The following CLPP variants were observed in gnomAD, a reference collection of about 807,000 sequenced individuals.
The protein encoded by CLPP is caseinolytic mitochondrial matrix peptidase proteolytic subunit.
In CLPP, 14 loss-of-function variants were observed where a neutral mutation model predicts 27.4. The observed-to-expected ratio is 0.51, with a 90% CI of 0.34 to 0.80. CLPP has a LOEUF of 0.80. CLPP is among the 30% of genes least tolerant of loss of function. The pLI, the probability that CLPP is intolerant of heterozygous loss-of-function variation, is 0.02. For synonymous variants in CLPP, 193 were observed against 166.6 expected (o/e 1.16, Z -1.22); for missense variants, 361 against 403.6 (o/e 0.89, Z 0.90).
At chr19:6,361,799 T>C (rs1433170444) in intron 1 of CLPP, 27 bp downstream of exon 1, 25 of 1,566,748 alleles carry the variant, frequency 1.6e-5, no homozygotes, top group Non-Finnish European at 2.1e-5. Flanking sequence ...GGGACACGGT[T>C]CGGGGGCTCC....
intron 5 of CLPP, among the ~76,000 whole-genome samples, chr19:6,367,826 C>G (rs2091869994): frequency 6.6e-6 from 1 of 151,602 alleles, no homozygotes; most frequent in African/African-American, 2.4e-5. Flanking sequence ...CCTCAGCCTC[C>G]CTAGTAGCTG....
At chr19:6,367,033 G>A (rs528931933) in intron 5 of CLPP, among the ~76,000 whole-genome samples, 2 of 151,844 alleles carry the variant, frequency 1.3e-5, no homozygotes, top group Non-Finnish European at 2.9e-5. Context: ...GAGTTCAGGA[G>A]TTCAAGACCA....
intron 4 of CLPP, among the ~76,000 whole-genome samples, chr19:6,365,991 C>T (rs1298291657): frequency 6.6e-6 from 1 of 151,898 alleles, no homozygotes; most frequent in Non-Finnish European, 1.5e-5. Flanking sequence ...AAAGGCTTAG[C>T]TAATGCTGAG....
At chr19:6,363,431 A>C (rs1177941498) in intron 3 of CLPP, among the ~76,000 whole-genome samples, 1 of 151,938 alleles carries the variant, frequency 6.6e-6, no homozygotes, top group Non-Finnish European at 1.5e-5. Flanking sequence ...CCTGATTTCT[A>C]GTTTCTCTTG....
intron 5 of CLPP, among the ~76,000 whole-genome samples, chr19:6,367,534 G>C (rs1001612870): frequency 6.6e-6 from 1 of 152,016 alleles, no homozygotes; most frequent in African/African-American, 2.4e-5. Flanking sequence ...GTTGCTTTGG[G>C]GTATGGGGAG....
At chr19:6,366,212 C>A in intron 4 of CLPP, 46 bp from the exon 5 acceptor site, 1 of 1,378,980 alleles carries the variant, frequency 7.3e-7, no homozygotes, top group Non-Finnish European at 1.0e-6. Context: ...GAGGGGCTGA[C>A]GCCGATACCA....
At chr19:6,366,187 C>T in intron 4 of CLPP, 71 bp from the exon 5 acceptor site, 1 of 1,071,300 alleles carries the variant, frequency 9.3e-7, no homozygotes, top group South Asian at 1.4e-5. Context: ...TGAGTGCCAC[C>T]TCCAGCCTCC....
rs753634588 is a variant in CLPP, at chr19:6,368,573, A to C, written c.697A>C (p.Met233Leu). The C allele has an allele frequency of 6.2e-7, 1 of 1,613,930 alleles. No individual in the cohort carries two copies. Among genetic ancestry groups the C allele is most frequent in the South Asian group, 1.1e-5 (1 of 91,066 alleles). ...GGAGAGGGACCGCTACATGAGCCCC[A>C]TGGAGGCCCAGGAGTTTGGCATCTT... is the stretch of plus-strand genomic sequence containing the variant. ...AMERDRYMSP[M>L]EAQEFGILDK... The change falls in exon 6 of 6, where the codon ATG becomes CTG. Residue 233 changes from methionine to leucine, a missense_variant. Around this residue, in one of 2 missense-constraint regions of CLPP, gnomAD observed 213 missense variants for 280.9 expected, o/e 0.76. Coordinates refer to ENST00000245816, the MANE Select transcript of CLPP (RefSeq NM_006012.4).
chr19:6,368,669 G>A lies in CLPP; in HGVS notation c.793G>A (p.Glu265Lys). 1.3e-6 allele frequency: 2 copies of A among 1,580,662 alleles called. No homozygotes were observed. Among genetic ancestry groups the A allele is most frequent in the East Asian group, 4.7e-5 (2 of 42,664 alleles). ...EPTLVQKEPV[E>K]AAPAAEPVPA... ...CACGCTGGTGCAGAAGGAGCCTGTA[G>A]AAGCAGCGCCGGCAGCAGAACCTGT... is the stretch of plus-strand genomic sequence containing the variant. The change falls in exon 6 of 6, where the codon GAA becomes AAA. Residue 265 changes from glutamate (E) to lysine (K), a missense_variant. Transcript: ENST00000245816.
chr19:6,366,740 G>A (rs1434691959), intron 5 of CLPP, among the ~76,000 whole-genome samples: 1 of 151,986 alleles, frequency 6.6e-6, no homozygotes, highest in African/African-American at 2.4e-5. Context: ...CTGGGCTCAA[G>A]CAATTCTCCT....
intron 4 of CLPP, chr19:6,364,886 G>A (rs554021980): frequency 6.4e-5 from 26 of 405,012 alleles, no homozygotes; most frequent in Admixed American, 2.2e-4. Flanking sequence ...CCGCCACCAC[G>A]CTCGGCTTTT....
At chr19:6,363,452 A>G (rs567807857) in intron 3 of CLPP, among the ~76,000 whole-genome samples, 2 of 152,200 alleles carry the variant, frequency 1.3e-5, no homozygotes, top group African/African-American at 2.4e-5. Context: ...GAAATTTAGT[A>G]GATCTGATCC....
chr19:6,362,216 C>G, intron 2 of CLPP: 2 of 602,162 alleles, frequency 3.3e-6, no homozygotes, highest in East Asian at 5.5e-5. Context: ...CATTCTCACC[C>G]CTTCCTTTCC....
Position 6,361,737 on chromosome 19 carries a change from G to C in CLPP, c.163G>C (p.Ala55Pro). ...QRCLHATATR[A>P]LPLIPIVVEQ... ...GTGCCTGCACGCGACGGCGACCCGG[G>C]CTCTCCCGCTCATTCCCATCGTGGT... The change falls in exon 1 of 6, where the codon GCT becomes CCT. Residue 55 changes from alanine to proline, a missense_variant. Physicochemically the swap from Ala to Pro is conservative, Grantham distance 27. Around this residue, in one of 2 missense-constraint regions of CLPP, gnomAD observed 148 missense variants for 122.6 expected, o/e 1.21. Transcript: ENST00000245816. 2.0e-6 allele frequency: 3 copies of C among 1,515,378 alleles called. No individual in the cohort carries two copies. Among genetic ancestry groups the C allele is most frequent in the Non-Finnish European group, 2.6e-6 (3 of 1,136,090 alleles). 93.9% of individuals were successfully genotyped at this position (1,515,378 alleles called of 1,614,324 possible).
intron 4 of CLPP, 145 bp from the exon 5 acceptor site, chr19:6,366,113 G>A (rs948407474): frequency 8.3e-6 from 5 of 604,120 alleles, no homozygotes; most frequent in African/African-American, 5.6e-5. Flanking sequence ...GCAGGATATC[G>A]GGGGATTTAC....
At chr19:6,362,001 G>A in intron 2 of CLPP, 61 bp downstream of exon 2, 6 of 1,477,130 alleles carry the variant, frequency 4.1e-6, no homozygotes, top group Non-Finnish European at 4.6e-6. Context: ...GACACTCCCT[G>A]CGCCCCTCCT....
At chr19:6,364,725 G>A in intron 4 of CLPP, 86 bp downstream of exon 4, 2 of 1,303,356 alleles carry the variant, frequency 1.5e-6, no homozygotes, top group East Asian at 5.0e-5. Context: ...AAGCGTGGGA[G>A]GGGATGTTTT....
chr19:6,362,056 C>CTT lies in CLPP; in HGVS notation c.270+116_270+117insTT, dbSNP rs2091837525. On this transcript the variant is annotated intron_variant, in intron 2 of 5. Transcript: ENST00000245816. ...CCTCAGGCTCCGCTCCCCTTCTAACCCCCTTCCCTCCCCTTCTGACTCCCC... is the reference window on the plus strand; with the variant it reads ...CCTCAGGCTCCGCTCCCCTTCTAACCTTCCCTTCCCTCCCCTTCTGACTCCCC... 4.4e-6 allele frequency: 4 copies of CTT among 906,708 alleles called. No homozygotes were observed. The East Asian group carries it at 1.1e-4, about 24-fold the overall frequency. 56.2% of individuals were successfully genotyped at this position (906,708 alleles called of 1,614,324 possible). A position where few individuals can be genotyped will look rare whatever the true frequency, so the allele number is the denominator to read the frequency against.
At position 6,366,471 on chromosome 19, in the gene CLPP, T is replaced by A. The variant is rs1001998929; in HGVS notation, c.661+108T>A. ...CCTGCGGACTTTCAGGGCTGGATCG[T>A]TCTCTGGGATGGGGGGACCATCCCA... is the stretch of plus-strand genomic sequence containing the variant. On this transcript the variant is annotated intron_variant, in intron 5 of 5. Transcript: ENST00000245816. 6.8e-6 allele frequency: 5 copies of A among 734,200 alleles called. No individual in the cohort carries two copies. The African/African-American group carries it at 9.0e-5, about 13-fold the overall frequency. 45.5% of individuals were successfully genotyped at this position (734,200 alleles called of 1,614,324 possible).
Sources: gnomAD v4.1 joint callset for allele counts (sites outside exome capture counted in the v4.1 genomes callset) on GRCh38, gnomAD v4.1.1 for gene constraint, gnomAD v4.1.1 regional missense constraint, MANE v1.5 for transcripts, NCBI Gene and HGNC (gene_info 2026-07-23, HGNC 2026-07-21) for gene names.